The following DDX52 variants were observed in gnomAD, a reference collection of about 807,000 sequenced individuals.
The protein encoded by DDX52 is DExD-box helicase 52.
A neutral mutation model predicts 76.1 loss-of-function variants in DDX52; 59 were observed. The observed-to-expected ratio is 0.78, with a 90% CI of 0.63 to 0.96. DDX52 has a LOEUF of 0.96. Among genes scored for constraint, DDX52 ranks in the 40% least tolerant of loss-of-function variants. DDX52 has a pLI of 0.00. For synonymous variants in DDX52, 231 were observed against 244.1 expected, an observed-to-expected ratio of 0.95 and a Z score of 0.50; for missense variants, 707 against 703.9, an observed-to-expected ratio of 1.00 and a Z score of -0.05.
intron 4 of DDX52, 104 bp downstream of exon 4, chr17:37,632,009 C>A (rs2030703754): frequency 6.6e-7 from 1 of 1,510,112 alleles, no homozygotes; most frequent in East Asian, 2.3e-5. Flanking sequence ...AGGATTTTAA[C>A]AGGGGAGATA....
At chr17:37,632,020 A>C in intron 4 of DDX52, 93 bp downstream of exon 4, 1 of 1,546,324 alleles carries the variant, frequency 6.5e-7, no homozygotes, top group Non-Finnish European at 8.9e-7. Context: ...AGGGGAGATA[A>C]GGTGGAAAGA....
chr17:37,621,183 T>G lies in DDX52; in HGVS notation c.1445A>C (p.Asn482Thr). Residue 482 changes from asparagine (N) to threonine (T), a missense_variant, in exon 11 of 15, where the codon AAC becomes ACC. Transcript: ENST00000617633. Reference protein sequence around the residue: ...LARGIDFKGVNLVINYDFPTS... With the variant: ...LARGIDFKGVTLVINYDFPTS... ...TGGAAAGTCATAGTTGATCACCAAG[T>G]TCACACCTTTAAAATCAATCCCTCT... The G allele has an allele frequency of 6.2e-7, 1 of 1,614,010 alleles. No individual in the cohort carries two copies. The highest frequency in any genetic ancestry group is 8.5e-7 in the Non-Finnish European group (1 of 1,179,962).
intron 9 of DDX52, 53 bp from the exon 10 acceptor site, chr17:37,621,573 C>T (rs2030098464): frequency 6.5e-7 from 1 of 1,546,544 alleles, no homozygotes; most frequent in East Asian, 2.3e-5. Context: ...TACAATTGGT[C>T]ATTATTTCAT....
intron 4 of DDX52, 159 bp downstream of exon 4, chr17:37,631,954 C>G (rs2030701574): frequency 2.0e-6 from 2 of 991,748 alleles, no homozygotes; most frequent in Non-Finnish European, 3.0e-6. Context: ...ATCAAGACAA[C>G]TTTTATGGAG....
Position 37,626,045 on chromosome 17 carries a change from G to T in DDX52, c.986C>A (p.Thr329Asn), listed in dbSNP as rs1283367447. ...ESDKLFEDGKTGFRDQLASIF... is the reference protein window; with the variant it reads ...ESDKLFEDGKNGFRDQLASIF... ...GGAAGCCAGCTGGTCTCTGAACCCA[G>T]TTTTGCCATCTTCAAACAGTTTATC... is the stretch of plus-strand genomic sequence containing the variant. Residue 329 changes from threonine (T) to asparagine (N), a missense_variant, in exon 8 of 15, where the codon ACT becomes AAT. Physicochemically the swap from Thr to Asn is moderately conservative, Grantham distance 65. Transcript: ENST00000617633. The T allele has an allele frequency of 5.0e-6, 8 of 1,613,932 alleles. No individual in the cohort carries two copies. The highest frequency in any genetic ancestry group is 1.6e-4 in the Middle Eastern group (1 of 6,082).
chr17:37,633,570 C>A (rs1945645621), intron 2 of DDX52, 152 bp from the exon 3 acceptor site: 1 of 434,524 alleles, frequency 2.3e-6, no homozygotes, highest in Non-Finnish European at 3.5e-6. Flanking sequence ...TGGGGAGGAT[C>A]ATTTGAGCCT....
intron 11 of DDX52, 30 bp from the exon 12 acceptor site, chr17:37,620,978 A>AT (rs1429227915): frequency 6.4e-7 from 1 of 1,572,556 alleles, no homozygotes; most frequent in African/African-American, 1.4e-5. Flanking sequence ...TAAAAAACAC[A>AT]TTTTGGGGGG....
rs771099255 is a variant in DDX52 at position 37,642,117 on chromosome 17, C to A, written c.279G>T (p.Met93Ile). ...CAGAAATCAAACACTAACCTGAAGT[C>A]ATCGTCTTCCTTTTTTTCTTGCTCT... is the stretch of plus-strand genomic sequence containing the variant. ...REQSKKKRKT[M>I]TSEIASQEEG... The change falls in exon 2 of 15, where the codon ATG becomes ATT. Residue 93 changes from methionine (M) to isoleucine (I), a missense_variant. Coordinates refer to ENST00000617633, the MANE Select transcript of DDX52 (RefSeq NM_007010.5). 45 of 1,613,044 alleles carry A rather than the reference C, an allele frequency of 2.8e-5. No individual in the cohort carries two copies. Among genetic ancestry groups the A allele is most frequent in the Non-Finnish European group, 3.6e-5 (43 of 1,179,854 alleles).
chr17:37,622,999 G>C (rs901740184), intron 9 of DDX52, among the ~76,000 whole-genome samples: 1 of 152,156 alleles, frequency 6.6e-6, no homozygotes, highest in African/African-American at 2.4e-5. Context: ...TATAGTGGTG[G>C]AGCTAGAACT....
chr17:37,620,070 AC>A, intron 12 of DDX52: 2 of 428,074 alleles, frequency 4.7e-6, no homozygotes. Context: ...AGCTATTTCA[AC>A]ATTTATCAAG....
rs376356085 is a variant in DDX52, at chr17:37,626,878, G to A, written c.860-18C>T. 165 of 1,597,396 alleles carry A rather than the reference G, an allele frequency of 1.0e-4. No individual in the cohort carries two copies. The highest frequency in any genetic ancestry group is 1.3e-4 in the Non-Finnish European group (155 of 1,172,488). ...AAGAATATCTATAGGAAAAACAAAT[G>A]GTAGAAATTGCAAAAACAGGATTTA... On this transcript the variant is annotated intron_variant, in intron 6 of 14. Transcript: ENST00000617633.
intron 2 of DDX52, chr17:37,635,736 G>A (rs2030895104): frequency 7.6e-6 from 3 of 396,026 alleles, no homozygotes; most frequent in South Asian, 5.6e-5. Context: ...GGAATAGCTG[G>A]GTAATATGGT....
intron 5 of DDX52, among the ~76,000 whole-genome samples, chr17:37,629,091 C>T (rs149530422): frequency 4.9e-4 from 74 of 151,848 alleles, no homozygotes; most frequent in Admixed American, 2.9e-3. Flanking sequence ...TGTGATGGTG[C>T]GCACCTGTAA....
chr17:37,641,366 C>T (rs1299823058), intron 2 of DDX52, among the ~76,000 whole-genome samples: 1 of 150,378 alleles, frequency 6.6e-6, no homozygotes, highest in African/African-American at 2.5e-5. Context: ...TGCACCACTG[C>T]ACCACAGACT....
chr17:37,623,284 G>C (rs765677869), intron 9 of DDX52, among the ~76,000 whole-genome samples: 2 of 152,050 alleles, frequency 1.3e-5, no homozygotes, highest in African/African-American at 2.4e-5. Context: ...AATTAGCCGG[G>C]CATGGTGGCA....
intron 2 of DDX52, among the ~76,000 whole-genome samples, chr17:37,635,242 T>C (rs1347749950): frequency 6.6e-6 from 1 of 152,106 alleles, no homozygotes; most frequent in East Asian, 2.0e-4. Flanking sequence ...CATAAATATA[T>C]ACAATAATCT....
intron 9 of DDX52, among the ~76,000 whole-genome samples, chr17:37,622,867 T>C (rs1391138491): frequency 6.6e-6 from 1 of 152,230 alleles, no homozygotes; most frequent in African/African-American, 2.4e-5. Flanking sequence ...CCAAGCACTA[T>C]TATATAATAA....
At chr17:37,630,591 C>T (rs1479920829) in intron 4 of DDX52, among the ~76,000 whole-genome samples, 1 of 151,344 alleles carries the variant, frequency 6.6e-6, no homozygotes, top group African/African-American at 2.4e-5. Flanking sequence ...ATGGCAATGA[C>T]CTGAGGGCAG....
intron 6 of DDX52, among the ~76,000 whole-genome samples, chr17:37,627,234 GCT>G (rs1418049596): frequency 2.6e-5 from 4 of 152,038 alleles, no homozygotes. Context: ...AGACAGTCTA[GCT>G]CTGTCGCCCA....
Sources: gnomAD v4.1 joint callset for allele counts (sites outside exome capture counted in the v4.1 genomes callset) on GRCh38, gnomAD v4.1.1 for gene constraint, MANE v1.5 for transcripts, NCBI Gene and HGNC (gene_info 2026-07-23, HGNC 2026-07-21) for gene names.